GRAMD2B: variants seen among roughly 807,000 people sequenced by gnomAD.
The protein encoded by GRAMD2B is GRAM domain containing 2B.
Under a neutral mutation model 59.2 loss-of-function variants are expected in GRAMD2B, and 41 were observed. The observed-to-expected ratio is 0.69, with a 90% CI of 0.54 to 0.90. GRAMD2B has a LOEUF of 0.90. Ranked by LOEUF, GRAMD2B falls within the 40% of genes least tolerant of loss-of-function variation. GRAMD2B has a pLI of 0.00. For missense variants in GRAMD2B, 424 were observed against 500.5 expected (o/e 0.85, Z 1.46); for synonymous variants, 161 against 182.7 (o/e 0.88, Z 0.96).
intron 1 of GRAMD2B, among the ~76,000 whole-genome samples, chr5:126,363,699 A>G (rs1351543704): frequency 6.6e-6 from 1 of 152,210 alleles, no homozygotes; most frequent in African/African-American, 2.4e-5. Context: ...GATCCCATCT[A>G]TATATGAAAT....
intron 1 of GRAMD2B, among the ~76,000 whole-genome samples, chr5:126,415,451 A>C (rs1197539653): frequency 6.6e-6 from 1 of 152,180 alleles, no homozygotes; most frequent in East Asian, 1.9e-4. Flanking sequence ...CATCACCCAG[A>C]ATATGGCCTG....
At chr5:126,408,959 G>A (rs543816927) in intron 1 of GRAMD2B, among the ~76,000 whole-genome samples, 4 of 150,448 alleles carry the variant, frequency 2.7e-5, no homozygotes, top group Admixed American at 1.3e-4. Context: ...TTGTTCCTGC[G>A]ATAGTTTACT....
chr5:126,466,894 G>A (rs536285245), intron 2 of GRAMD2B, among the ~76,000 whole-genome samples: 8 of 152,178 alleles, frequency 5.3e-5, no homozygotes, highest in African/African-American at 1.9e-4. Flanking sequence ...ACTCTCACAG[G>A]GCATGCTTGC....
In GRAMD2B at chr5:126,488,867, C is replaced by T; in HGVS notation, c.1232C>T (p.Thr411Ile). The change falls in exon 13 of 14, where the codon ACA (threonine) becomes ATA (isoleucine). Residue 411 changes from threonine to isoleucine, a missense_variant. By Grantham distance (89) the Thr-to-Ile change is moderately conservative. Coordinates refer to ENST00000285689, the MANE Select transcript of GRAMD2B (RefSeq NM_023927.4). Reference protein sequence around the residue: ...FNVEVLCQELTANIVKLEKIQ... With the variant: ...FNVEVLCQELIANIVKLEKIQ... ...GTGGAGGTTCTCTGTCAAGAGCTTA[C>T]AGCTAACATAGTGAAATTAGAAAAG... is the stretch of plus-strand genomic sequence containing the variant. 10 of 1,613,386 alleles carry T rather than the reference C, an allele frequency of 6.2e-6. No homozygotes were observed. The highest frequency in any genetic ancestry group is 8.5e-6 in the Non-Finnish European group (10 of 1,179,430).
At chr5:126,431,835 T>G (rs553051103) in intron 1 of GRAMD2B, among the ~76,000 whole-genome samples, 1 of 152,324 alleles carries the variant, frequency 6.6e-6, no homozygotes, top group African/African-American at 2.4e-5. Context: ...CTGGAAGATA[T>G]TCCTTCTTTT....
chr5:126,394,702 T>C (rs978834269), intron 1 of GRAMD2B, among the ~76,000 whole-genome samples: 1 of 152,222 alleles, frequency 6.6e-6, no homozygotes, highest in Non-Finnish European at 1.5e-5. Flanking sequence ...CCTGCTCTCA[T>C]CTAACTTAGA....
chr5:126,465,762 C>T (rs544270945), intron 2 of GRAMD2B, among the ~76,000 whole-genome samples: 40 of 152,296 alleles, frequency 2.6e-4, no homozygotes, highest in South Asian at 8.3e-4. Flanking sequence ...TTTCTGAAAG[C>T]GCTGATTTTG....
At chr5:126,365,471 C>T (rs1443581818) in intron 1 of GRAMD2B, among the ~76,000 whole-genome samples, 1 of 152,156 alleles carries the variant, frequency 6.6e-6, no homozygotes, top group Non-Finnish European at 1.5e-5. Context: ...AAGAATGCTG[C>T]TTTTTAAAAT....
At chr5:126,362,760 T>C (rs1175077551) in intron 1 of GRAMD2B, among the ~76,000 whole-genome samples, 1 of 152,192 alleles carries the variant, frequency 6.6e-6, no homozygotes, top group Non-Finnish European at 1.5e-5. Context: ...TTTTCAACAA[T>C]AGTGCCAGGA....
intron 1 of GRAMD2B, among the ~76,000 whole-genome samples, chr5:126,425,407 C>G (rs1356628730): frequency 2.6e-5 from 4 of 152,120 alleles, no homozygotes; most frequent in Admixed American, 2.6e-4. Context: ...GTATGTTAGA[C>G]AAAATAAGCC....
At chr5:126,438,214 G>C (rs1464595689) in intron 1 of GRAMD2B, among the ~76,000 whole-genome samples, 1 of 152,294 alleles carries the variant, frequency 6.6e-6, no homozygotes, top group East Asian at 1.9e-4. Context: ...AGAAAAGAGA[G>C]AAAGGTAAAT....
rs73332486 is a variant in GRAMD2B at position 126,408,563 on chromosome 5, A to T, written c.125+36996A>T. Among the ~76,000 whole-genome samples the T allele has an allele frequency of 2.3e-3, 349 of 150,368 alleles. 2 individuals are homozygous for T. The highest frequency in any genetic ancestry group is 7.9e-3 in the African/African-American group (323 of 40,852). ...TCCACACAAGCCAGGGTTGCAGTTT[A>T]TTCCTTTGCTCCCTTGAATGTGGCC... is the stretch of plus-strand genomic sequence containing the variant. On this transcript the variant is annotated intron_variant, in intron 1 of 8. Coordinates refer to the GRAMD2B transcript ENST00000506445.
intron 1 of GRAMD2B, among the ~76,000 whole-genome samples, chr5:126,373,638 A>G (rs1754944705): frequency 6.6e-6 from 1 of 152,252 alleles, no homozygotes; most frequent in African/African-American, 2.4e-5. Flanking sequence ...GAATGAATGC[A>G]TATGTGCATA....
At chr5:126,372,209 C>T (rs574944996) in intron 1 of GRAMD2B, among the ~76,000 whole-genome samples, 15 of 152,168 alleles carry the variant, frequency 9.9e-5, no homozygotes, top group Admixed American at 6.5e-4. Context: ...TTCATTTTGT[C>T]TCATTATATT....
At position 126,423,622 on chromosome 5, in the gene GRAMD2B, C is replaced by A. The variant is rs574919388; in HGVS notation, c.16C>A (p.Gln6Lys). Residue 6 changes from glutamine to lysine, a missense_variant, in exon 1 of 14, where the codon CAA becomes AAA. Gln to Lys is a moderately conservative substitution (Grantham distance 53). Coordinates refer to ENST00000285689, the MANE Select transcript of GRAMD2B (RefSeq NM_023927.4). ...CACGGCCCCGATGACTGAACTACAG[C>A]AAGATGTGGAAGACACAAAGCCTGC... Reference protein sequence around the residue: MTELQQDVEDTKPAKV... With the variant: MTELQKDVEDTKPAKV... The A allele has an allele frequency of 6.2e-7, 1 of 1,612,496 alleles. No homozygotes were observed. The highest frequency in any genetic ancestry group is 1.1e-5 in the South Asian group (1 of 90,590).
chr5:126,419,041 C>T (rs532565714), upstream of GRAMD2B, among the ~76,000 whole-genome samples: 1 of 152,174 alleles, frequency 6.6e-6, no homozygotes, highest in South Asian at 2.1e-4. Context: ...TGTGATGATA[C>T]TTACCTATAC....
chr5:126,437,005 T>G (rs1422031179), intron 1 of GRAMD2B, among the ~76,000 whole-genome samples: 1 of 152,200 alleles, frequency 6.6e-6, no homozygotes, highest in East Asian at 1.9e-4. Flanking sequence ...GGGCAGCACA[T>G]AAGGCAGAAG....
In GRAMD2B at chr5:126,492,996, C is replaced by G. The variant is rs779004157; in HGVS notation, c.*40C>G. ...TGGGCCATCGGAATACCTCATGTTT[C>G]CCTTTGAAGAAGGTGCTTCCTGAGG... On this transcript the variant is annotated 3_prime_UTR_variant, in exon 14 of 14. Coordinates refer to ENST00000285689, the MANE Select transcript of GRAMD2B (RefSeq NM_023927.4). The G allele has an allele frequency of 1.3e-6, 2 of 1,573,056 alleles. No homozygotes were observed. The highest frequency in any genetic ancestry group is 2.2e-5 in the East Asian group (1 of 44,662).
At chr5:126,434,424 A>C (rs187072962) in intron 1 of GRAMD2B, among the ~76,000 whole-genome samples, 25 of 152,210 alleles carry the variant, frequency 1.6e-4, no homozygotes, top group African/African-American at 5.3e-4. Flanking sequence ...CACTTTTTCA[A>C]ACCCCCTCCC....
Sources: gnomAD v4.1 joint callset for allele counts (sites outside exome capture counted in the v4.1 genomes callset) on GRCh38, gnomAD v4.1.1 for gene constraint, MANE v1.5 for transcripts, NCBI Gene and HGNC (gene_info 2026-07-23, HGNC 2026-07-21) for gene names.